The following GIGYF2 variants were observed in gnomAD, a reference collection of about 807,000 sequenced individuals.
GIGYF2 encodes the protein GRB10-interacting GYF protein 2.
A neutral mutation model predicts 208.1 loss-of-function variants in GIGYF2; 25 were observed. The observed-to-expected ratio is 0.12, with a 90% CI of 0.09 to 0.17. The LOEUF is 0.17. Ranked by LOEUF, GIGYF2 falls within the 10% of genes least tolerant of loss-of-function variation. GIGYF2 has a pLI of 1.00. For synonymous variants in GIGYF2, 534 were observed against 543.8 expected, an observed-to-expected ratio of 0.98 and a Z score of 0.25; for missense variants, 1,302 against 1,579.4, an observed-to-expected ratio of 0.82 and a Z score of 2.98.
At chr2:232,848,141 A>C (rs1702081004) in intron 27 of GIGYF2, among the ~76,000 whole-genome samples, 1 of 152,224 alleles carries the variant, frequency 6.6e-6, no homozygotes, top group South Asian at 2.1e-4. Flanking sequence ...AGATCAGTAC[A>C]TAACCTTGTT....
chr2:232,739,334 GACA>G (rs1320034250), intron 3 of GIGYF2, among the ~76,000 whole-genome samples: 2 of 137,018 alleles, frequency 1.5e-5, no homozygotes, highest in Non-Finnish European at 3.1e-5. Context: ...CTCCAGTCTG[GACA>G]ACAAGCCTGG....
rs1336519126 is a variant in GIGYF2 at position 232,816,948 on chromosome 2, A to G, written c.2286A>G (p.Arg762=). Residue 762 remains arginine (R), a synonymous_variant, in exon 20 of 29, where the codon CGA becomes CGG. Coordinates refer to ENST00000373563, the MANE Select transcript of GIGYF2 (RefSeq NM_001103146.3). ...EEERKRQEEL[R]RQQEEILRRQ... is the part of the protein sequence containing the mutation. ...AGCGAAAGAGGCAGGAAGAACTCCG[A>G]AGACAACAGGAGGAAATTCTTCGGC... The G allele has an allele frequency of 6.2e-7, 1 of 1,612,492 alleles. No individual in the cohort carries two copies. Among genetic ancestry groups the G allele is most frequent in the Admixed American group, 1.7e-5 (1 of 60,020 alleles).
At chr2:232,805,755 T>C (rs1700542787) in intron 14 of GIGYF2, among the ~76,000 whole-genome samples, 1 of 152,202 alleles carries the variant, frequency 6.6e-6, no homozygotes, top group Non-Finnish European at 1.5e-5. Context: ...TTGTTTTATA[T>C]ATTAATACAA....
intron 2 of GIGYF2, among the ~76,000 whole-genome samples, chr2:232,715,140 T>C (rs1696622331): frequency 6.6e-6 from 1 of 152,232 alleles, no homozygotes; most frequent in African/African-American, 2.4e-5. Flanking sequence ...CTGCAGGGTC[T>C]GGTATCTTTT....
chr2:232,761,228 T>A (rs1178225924), intron 7 of GIGYF2, among the ~76,000 whole-genome samples, 168 bp from the exon 8 acceptor site: 1 of 152,180 alleles, frequency 6.6e-6, no homozygotes, highest in Admixed American at 6.5e-5. Context: ...TTTTTCTTTT[T>A]ATCTTTGTGC....
At position 232,761,402 on chromosome 2, in the gene GIGYF2, C is replaced by G. The variant is rs1276980199; in HGVS notation, c.498C>G (p.Asp166Glu). ...HRSQSWEERG[D>E]RRFEKPGRKD... is the part of the protein sequence containing the mutation. ...CTTATTTTTTCTTTTCCAGGGGTGA[C>G]AGACGTTTTGAAAAACCAGGACGAA... The change falls in exon 8 of 29, where the codon GAC becomes GAG. Residue 166 changes from aspartate (D) to glutamate (E), a missense_variant. Physicochemically the swap from Asp to Glu is conservative, Grantham distance 45 (BLOSUM62 2). This residue lies in a region of GIGYF2 where 189 missense variants were observed against 257.7 expected (regional missense o/e 0.73). Coordinates refer to ENST00000373563, the MANE Select transcript of GIGYF2 (RefSeq NM_001103146.3). The G allele has an allele frequency of 3.1e-6, 5 of 1,602,856 alleles. No homozygotes were observed. The highest frequency in any genetic ancestry group is 4.3e-6 in the Non-Finnish European group (5 of 1,169,978).
In GIGYF2 at chr2:232,847,534, AGCC is replaced by A. The variant is rs1335334606; in HGVS notation, c.3651_3653del (p.Pro1218del). 6 of 1,598,830 alleles carry A rather than the reference AGCC, an allele frequency of 3.8e-6. No homozygotes were observed. Among genetic ancestry groups the A allele is most frequent in the East Asian group, 4.5e-5 (2 of 44,598 alleles). Reference sequence around the variant, plus strand: ...CAGCTGCCACAGCAGCAGCAGCAGCAGCCGCCACAGCAGCCGCCACAGCAGCCA... The same window carrying A: ...CAGCTGCCACAGCAGCAGCAGCAGCAGCCACAGCAGCCGCCACAGCAGCCA... On this transcript the variant is annotated inframe_deletion, in exon 27 of 29. Transcript: ENST00000373563.
chr2:232,734,714 G>A (rs948668759), intron 2 of GIGYF2, among the ~76,000 whole-genome samples: 2 of 152,210 alleles, frequency 1.3e-5, no homozygotes, highest in Admixed American at 6.5e-5. Flanking sequence ...TATGTGATAG[G>A]TAAGGAGGGT....
Position 232,739,124 on chromosome 2 carries a change from C to T in GIGYF2, c.41+3886C>T, listed in dbSNP as rs190147180. ...CTGTAATCCCAGCACTTTGGGAGGC[C>T]GAGGTGGGCAGATCACCTGAGGTCA... On this transcript the variant is annotated intron_variant, in intron 3 of 28. Coordinates refer to ENST00000373563, the MANE Select transcript of GIGYF2 (RefSeq NM_001103146.3). 1.3e-3 allele frequency among the ~76,000 whole-genome samples: 187 copies of T among 142,718 alleles called. 3 individuals are homozygous for T. Among genetic ancestry groups the T allele is most frequent in the African/African-American group, 4.5e-3 (174 of 38,332 alleles). The allele number at this position is 142,718 out of a possible 152,430, so 93.6% of individuals were successfully genotyped here.
chr2:232,852,059 G>A (rs1047909417), intron 28 of GIGYF2, among the ~76,000 whole-genome samples: 2 of 152,186 alleles, frequency 1.3e-5, no homozygotes. Flanking sequence ...ACAGGCTGAG[G>A]GGAATTGAGT....
At chr2:232,766,137 A>G (rs1698953418) in intron 8 of GIGYF2, among the ~76,000 whole-genome samples, 1 of 152,234 alleles carries the variant, frequency 6.6e-6, no homozygotes, top group South Asian at 2.1e-4. Flanking sequence ...AAATAAGTGA[A>G]AGAAACAATG....
chr2:232,744,212 G>A (rs554111280), intron 3 of GIGYF2, among the ~76,000 whole-genome samples: 69 of 152,174 alleles, frequency 4.5e-4, no homozygotes, highest in Admixed American at 8.5e-4. Context: ...AAAACCATTG[G>A]TGATCCATTG....
chr2:232,735,003 A>G (rs774664924), intron 2 of GIGYF2, among the ~76,000 whole-genome samples, 152 bp from the exon 3 acceptor site: 1 of 152,162 alleles, frequency 6.6e-6, no homozygotes, highest in Non-Finnish European at 1.5e-5. Flanking sequence ...TTTGCCTGCT[A>G]TATTATTGTT....
chr2:232,849,966 C>T (rs1329317678), intron 27 of GIGYF2, among the ~76,000 whole-genome samples: 1 of 152,124 alleles, frequency 6.6e-6, no homozygotes, highest in Non-Finnish European at 1.5e-5. Context: ...GCATTTGATA[C>T]AGACTCTGTA....
chr2:232,846,537 G>A (rs1366848505), intron 26 of GIGYF2, among the ~76,000 whole-genome samples: 1 of 152,176 alleles, frequency 6.6e-6, no homozygotes, highest in Non-Finnish European at 1.5e-5. Flanking sequence ...CTAAAGCCAA[G>A]AAACTGTGAA....
chr2:232,700,256 G>A (rs144256342), intron 1 of GIGYF2, among the ~76,000 whole-genome samples: 2 of 152,100 alleles, frequency 1.3e-5, no homozygotes, highest in South Asian at 4.1e-4. Context: ...TCTTCCTCTT[G>A]TTTTTCTATT....
At chr2:232,724,318 A>G (rs1266312770) in intron 2 of GIGYF2, among the ~76,000 whole-genome samples, 2 of 148,328 alleles carry the variant, frequency 1.3e-5, no homozygotes, top group East Asian at 2.0e-4. Flanking sequence ...TTGGCCTCCT[A>G]ACGTGCTGGG....
chr2:232,788,050 G>A (rs1406527963), intron 9 of GIGYF2: 1 of 153,792 alleles, frequency 6.5e-6, no homozygotes, highest in East Asian at 1.9e-4. Context: ...TCCAATTGTG[G>A]GGTCATGCAA....
At chr2:232,834,622 C>G (rs1701523426) in intron 22 of GIGYF2, among the ~76,000 whole-genome samples, 2 of 152,130 alleles carry the variant, frequency 1.3e-5, no homozygotes, top group Admixed American at 1.3e-4. Flanking sequence ...ATTATTTCTT[C>G]AATTGTATGT....
Sources: gnomAD v4.1 joint callset for allele counts (sites outside exome capture counted in the v4.1 genomes callset) on GRCh38, gnomAD v4.1.1 for gene constraint, gnomAD v4.1.1 regional missense constraint, MANE v1.5 for transcripts, NCBI Gene and HGNC (gene_info 2026-07-23, HGNC 2026-07-21) for gene names.